Variants in SCFD2 observed in about 807,000 individuals in gnomAD.
SCFD2 encodes sec1 family domain containing 2.
SCFD2 carries 54 observed loss-of-function variants against 58.9 expected under a neutral mutation model. That is an observed-to-expected ratio of 0.92 (90% CI 0.74 to 1.15). SCFD2 has a LOEUF of 1.15. Among genes scored for constraint, SCFD2 ranks in the 50% most tolerant of loss-of-function variants. The probability of loss-of-function intolerance (pLI) is 0.00; values close to 1 mark genes in which losing one functional copy is unlikely to be tolerated. For missense variants in SCFD2, 805 were observed against 836.6 expected (o/e 0.96, Z 0.47); for synonymous variants, 321 against 335.9 (o/e 0.96, Z 0.49).
chr4:53,253,320 A>G (rs1730469209), intron 4 of SCFD2, among the ~76,000 whole-genome samples: 2 of 152,178 alleles, frequency 1.3e-5, no homozygotes, highest in Non-Finnish European at 2.9e-5. Flanking sequence ...CCATTGTGGA[A>G]GTCAGTGTGG....
chr4:53,335,791 A>T (rs1179795864), intron 2 of SCFD2, among the ~76,000 whole-genome samples: 1 of 152,212 alleles, frequency 6.6e-6, no homozygotes, highest in African/African-American at 2.4e-5. Context: ...TATGTGAATG[A>T]GGTGCTCTCC....
At chr4:52,929,216 G>C (rs1719932596) in intron 5 of SCFD2, among the ~76,000 whole-genome samples, 1 of 152,174 alleles carries the variant, frequency 6.6e-6, no homozygotes, top group South Asian at 2.1e-4. Context: ...GGGTGAGGAA[G>C]GCAGATTCAT....
rs116003022 is a variant in SCFD2, at chr4:53,111,178, G to T, written c.1561+34155C>A. On this transcript the variant is annotated intron_variant, in intron 5 of 8. Transcript: ENST00000401642. ...AGGGAGGGGAACATCATACACCGGG[G>T]CCTACTGGTGGGTGGGGGACTAGGG... Among the ~76,000 whole-genome samples, 652 of 152,088 alleles carry T rather than the reference G, an allele frequency of 4.3e-3. 4 individuals carry two copies. Among genetic ancestry groups the T allele is most frequent in the African/African-American group, 0.015 (621 of 41,492 alleles).
intron 2 of SCFD2, among the ~76,000 whole-genome samples, chr4:53,324,808 A>G (rs975959958): frequency 1.3e-5 from 2 of 152,198 alleles, no homozygotes; most frequent in African/African-American, 4.8e-5. Flanking sequence ...ATAAGTTTGC[A>G]TATGAGAGGC....
At chr4:53,168,797 G>A (rs527724399) in intron 4 of SCFD2, among the ~76,000 whole-genome samples, 2 of 152,254 alleles carry the variant, frequency 1.3e-5, no homozygotes, top group African/African-American at 4.8e-5. Context: ...TATATAGTAT[G>A]TTAGTATTAC....
chr4:53,002,765 A>C (rs1348689443), intron 5 of SCFD2, among the ~76,000 whole-genome samples: 1 of 152,218 alleles, frequency 6.6e-6, no homozygotes, highest in African/African-American at 2.4e-5. Context: ...TCACACTGCT[A>C]TAAAGGAATA....
intron 5 of SCFD2, among the ~76,000 whole-genome samples, chr4:53,061,922 C>T (rs1223381260): frequency 6.6e-6 from 1 of 151,964 alleles, no homozygotes; most frequent in African/African-American, 2.4e-5. Flanking sequence ...CCCAAGTCCA[C>T]GATTAGACAG....
At chr4:53,159,884 T>C (rs1726802098) in intron 4 of SCFD2, among the ~76,000 whole-genome samples, 1 of 152,164 alleles carries the variant, frequency 6.6e-6, no homozygotes, top group Non-Finnish European at 1.5e-5. Context: ...TGCAGTATTT[T>C]GTATGTATAC....
chr4:53,215,875 A>T (rs1284080488), intron 4 of SCFD2, among the ~76,000 whole-genome samples: 1 of 152,186 alleles, frequency 6.6e-6, no homozygotes, highest in Non-Finnish European at 1.5e-5. Context: ...ATTTTATCAA[A>T]GGCCTTTTCT....
At chr4:53,210,477 T>C (rs1728572574) in intron 4 of SCFD2, among the ~76,000 whole-genome samples, 1 of 152,072 alleles carries the variant, frequency 6.6e-6, no homozygotes, top group South Asian at 2.1e-4. Context: ...AGCTATGTGA[T>C]GTGTGATACG....
At chr4:53,090,772 T>C (rs1319361542) in intron 5 of SCFD2, among the ~76,000 whole-genome samples, 1 of 152,178 alleles carries the variant, frequency 6.6e-6, no homozygotes, top group Admixed American at 6.6e-5. Flanking sequence ...AAGCTAATAA[T>C]TATGGAGCAC....
chr4:53,156,485 CAGG>C (rs1726690766), intron 4 of SCFD2, among the ~76,000 whole-genome samples: 1 of 151,664 alleles, frequency 6.6e-6, no homozygotes, highest in East Asian at 1.9e-4. Flanking sequence ...ATCATGAGGT[CAGG>C]AGATCAAGAC....
At chr4:53,090,423 A>T (rs1281133316) in intron 5 of SCFD2, among the ~76,000 whole-genome samples, 1 of 152,220 alleles carries the variant, frequency 6.6e-6, no homozygotes, top group Non-Finnish European at 1.5e-5. Flanking sequence ...AAACCTGTCT[A>T]TTAATACTTG....
At chr4:53,297,451 T>C (rs1732080210) in intron 3 of SCFD2, among the ~76,000 whole-genome samples, 1 of 152,156 alleles carries the variant, frequency 6.6e-6, no homozygotes, top group Non-Finnish European at 1.5e-5. Flanking sequence ...CAGACTAGAA[T>C]TGCAACCCTT....
Position 53,026,551 on chromosome 4 carries a change from T to C in SCFD2, c.1562-105681A>G, listed in dbSNP as rs112681320. Among the ~76,000 whole-genome samples, 228 of 152,352 alleles carry C rather than the reference T, an allele frequency of 1.5e-3. 1 individual carries two copies. The highest frequency in any genetic ancestry group is 5.2e-3 in the African/African-American group (218 of 41,582). Reference sequence around the variant, plus strand: ...GGAAACAAGGATATCAGAGCCATGTTTGAAGATTAGCATTTTCAGGGCTGA... The same window carrying C: ...GGAAACAAGGATATCAGAGCCATGTCTGAAGATTAGCATTTTCAGGGCTGA... On this transcript the variant is annotated intron_variant, in intron 5 of 8. Transcript: ENST00000401642.
intron 4 of SCFD2, among the ~76,000 whole-genome samples, chr4:53,252,374 G>GA (rs1159188549): frequency 6.6e-6 from 1 of 150,688 alleles, no homozygotes; most frequent in African/African-American, 2.4e-5. Context: ...CACAGAATTG[G>GA]AAAAAACTAC....
intron 3 of SCFD2, among the ~76,000 whole-genome samples, chr4:53,280,025 A>T (rs115541134): frequency 6.6e-5 from 10 of 152,332 alleles, no homozygotes; most frequent in African/African-American, 2.4e-4. Context: ...ATCAGAAGCT[A>T]TTCTTCCAAT....
At chr4:53,134,354 A>G (rs751491721) in intron 5 of SCFD2, among the ~76,000 whole-genome samples, 6 of 152,192 alleles carry the variant, frequency 3.9e-5, no homozygotes, top group African/African-American at 1.4e-4. Flanking sequence ...TTCTTATCAC[A>G]ATAAAATAAA....
intron 6 of SCFD2, among the ~76,000 whole-genome samples, chr4:52,908,872 T>C (rs1233098648): frequency 6.6e-6 from 1 of 152,216 alleles, no homozygotes; most frequent in Non-Finnish European, 1.5e-5. Context: ...AACAGACCAT[T>C]GTTTGTCCAG....
Sources: allele counts gnomAD v4.1 joint callset (sites outside exome capture counted in the v4.1 genomes callset), GRCh38; gene constraint gnomAD v4.1.1; transcripts MANE v1.5; gene names NCBI Gene and HGNC (gene_info 2026-07-23, HGNC 2026-07-21).